MFGE8: variants seen among roughly 807,000 people sequenced by gnomAD.
MFGE8 encodes milk fat globule EGF and factor V/VIII domain containing.
A neutral mutation model predicts 42.6 loss-of-function variants in MFGE8; 34 were observed. The observed-to-expected ratio is 0.80, with a 90% CI of 0.61 to 1.06. The LOEUF (loss-of-function observed/expected upper bound fraction) is 1.06. Among genes scored for constraint, MFGE8 ranks in the 50% least tolerant of loss-of-function variants. MFGE8 has a pLI of 0.00. For synonymous variants in MFGE8, 230 were observed against 214.8 expected, an observed-to-expected ratio of 1.07 and a Z score of -0.62; for missense variants, 510 against 516.9, an observed-to-expected ratio of 0.99 and a Z score of 0.13.
In MFGE8 at chr15:88,905,177, T is replaced by G. The variant is rs1250930972; in HGVS notation, c.685+580A>C. 2.0e-5 allele frequency among the ~76,000 whole-genome samples: 3 copies of G among 152,186 alleles called. No individual in the cohort carries two copies. The highest frequency in any genetic ancestry group is 2.1e-4 in the South Asian group (1 of 4,832). On this transcript the variant is annotated intron_variant, in intron 5 of 7. Coordinates refer to ENST00000268150, the MANE Select transcript of MFGE8 (RefSeq NM_005928.4). This position sits in a 1 kb window ranked among gnomAD's most constrained non-coding sequence, Gnocchi z 6.6. ...GGTCCAAGAAGCCCCTGTGTTTCTC[T>G]GGAGTGCAGACTCTTAAGAGTTTGG...
rs34449331 is a variant in MFGE8 at position 88,909,812 on chromosome 15, G to A, written c.185C>T (p.Ala62Val). 1.0e-3 allele frequency: 1,662 copies of A among 1,614,186 alleles called. 1 individual carries two copies. Among genetic ancestry groups the A allele is most frequent in the Non-Finnish European group, 1.3e-3 (1,496 of 1,180,016 alleles). ...CTCACTCGTCTCACAGTGGTTGCCC[G>A]CGTAGCCCTTAAGGCACGTGCAGGT... Reference protein sequence around the residue: ...SYTCTCLKGYAGNHCETKCVE... With the variant: ...SYTCTCLKGYVGNHCETKCVE... Residue 62 changes from alanine to valine, a missense_variant, in exon 2 of 8, where the codon GCG (alanine) becomes GTG (valine). By Grantham distance (64) the Ala-to-Val change is moderately conservative (BLOSUM62 0). Transcript: ENST00000268150.
intron 2 of MFGE8, among the ~76,000 whole-genome samples, chr15:88,907,715 C>CCG (rs1555414388): frequency 6.8e-6 from 1 of 147,266 alleles, no homozygotes; most frequent in Non-Finnish European, 1.5e-5. Context: ...GTCCCCCCCG[C>CCG]CAGGCTGTGG....
In MFGE8 at chr15:88,905,182, T is replaced by C. The variant is rs1343214488; in HGVS notation, c.685+575A>G. Among the ~76,000 whole-genome samples the C allele has an allele frequency of 6.6e-6, 1 of 152,120 alleles. No homozygotes were observed. Among genetic ancestry groups the C allele is most frequent in the African/African-American group, 2.4e-5 (1 of 41,396 alleles). ...AAGAAGCCCCTGTGTTTCTCTGGAG[T>C]GCAGACTCTTAAGAGTTTGGCAGGG... On this transcript the variant is annotated intron_variant, in intron 5 of 7. Transcript: ENST00000268150. This position sits in a 1 kb window ranked among gnomAD's most constrained non-coding sequence, Gnocchi z 6.6.
At chr15:88,900,977 A>T (rs1204689774) in intron 6 of MFGE8, among the ~76,000 whole-genome samples, 2 of 142,704 alleles carry the variant, frequency 1.4e-5, no homozygotes, top group African/African-American at 5.0e-5. Context: ...ACACACATTC[A>T]CACACACACA....
At chr15:88,904,620 C>G (rs1898580602) in intron 5 of MFGE8, 1 of 152,214 alleles carries the variant, frequency 6.6e-6, no homozygotes, top group South Asian at 2.1e-4. Context: ...TTCCCAGTAG[C>G]CTACATTTCC....
chr15:88,908,037 A>G (rs4932448), intron 2 of MFGE8, among the ~76,000 whole-genome samples: 22,826 of 151,890 alleles, frequency 0.15, 3,130 homozygotes, highest in African/African-American at 0.35. Context: ...TTCCCTCTTT[A>G]CGCCTTCCAC....
In MFGE8 at chr15:88,913,293, C is replaced by T. The variant is rs1186230111; in HGVS notation, c.27G>A (p.Ala9=). ...GGGCGCAGAGCAGCGCGCCGCACAG[C>T]GCGGCCAGCAGGCGGGGGCGCGGCA... MPRPRLLA[A]LCGALLCAPS... The change falls in exon 1 of 8, where the codon GCG becomes GCA. Residue 9 remains alanine (A), a synonymous_variant. Transcript: ENST00000268150. 1.4e-6 allele frequency: 2 copies of T among 1,476,536 alleles called. No individual in the cohort carries two copies. Among genetic ancestry groups the T allele is most frequent in the South Asian group, 1.3e-5 (1 of 76,640 alleles). The allele number at this position is 1,476,536 out of a possible 1,614,324, so 91.5% of individuals were successfully genotyped here.
rs376546317 is a variant in MFGE8, at chr15:88,899,110, A to C, written c.*285T>G. Reference sequence around the variant, plus strand: ...CAGGGGCAGGGAAACCACACGCCCTACTTTGCCCTTTCCTGTCCATCCCAG... The same window carrying C: ...CAGGGGCAGGGAAACCACACGCCCTCCTTTGCCCTTTCCTGTCCATCCCAG... On this transcript the variant is annotated 3_prime_UTR_variant, in exon 8 of 8. Transcript: ENST00000268150. The surrounding 1 kb of genome is among the most constrained non-coding windows in gnomAD (Gnocchi z 6.8). 67 of 511,690 alleles carry C rather than the reference A, an allele frequency of 1.3e-4. No individual in the cohort carries two copies. Among genetic ancestry groups the C allele is most frequent in the African/African-American group, 1.1e-3 (59 of 51,928 alleles). The allele number at this position is 511,690 out of a possible 1,614,324, so 31.7% of individuals were successfully genotyped here.
chr15:88,899,933 C>G lies in MFGE8; in HGVS notation c.871-122G>C, dbSNP rs989517349. ...AAACTACTTGGGTGAGCCTCAGTTTCTTTGGCTATAAAATGGGCATAAGGC... is the reference window on the plus strand; with the variant it reads ...AAACTACTTGGGTGAGCCTCAGTTTGTTTGGCTATAAAATGGGCATAAGGC... On this transcript the variant is annotated intron_variant, in intron 6 of 7. Coordinates refer to ENST00000268150, the MANE Select transcript of MFGE8 (RefSeq NM_005928.4). This position sits in a 1 kb window ranked among gnomAD's most constrained non-coding sequence, Gnocchi z 6.8. The G allele has an allele frequency of 2.3e-5, 28 of 1,198,478 alleles. No homozygotes were observed. The highest frequency in any genetic ancestry group is 3.3e-5 in the Non-Finnish European group (27 of 827,802). 74.2% of individuals were successfully genotyped at this position (1,198,478 alleles called of 1,614,324 possible).
intron 2 of MFGE8, among the ~76,000 whole-genome samples, chr15:88,908,711 T>C (rs2141718400): frequency 6.6e-6 from 1 of 152,318 alleles, no homozygotes; most frequent in East Asian, 1.9e-4. Flanking sequence ...CCCAGGGCTC[T>C]GATTGCCTTA....
chr15:88,910,904 AT>A (rs1176230723), intron 1 of MFGE8: 1 of 152,148 alleles, frequency 6.6e-6, no homozygotes, highest in South Asian at 2.1e-4. Flanking sequence ...GGGAGAAAAA[AT>A]AAAAATAAAA....
rs1315633122 is a variant in MFGE8, at chr15:88,913,265, T to C, written c.55A>G (p.Ser19Gly). The C allele has an allele frequency of 2.7e-6, 4 of 1,504,892 alleles. No homozygotes were observed. Among genetic ancestry groups the C allele is most frequent in the African/African-American group, 2.9e-5 (2 of 69,370 alleles). 93.2% of individuals were successfully genotyped at this position (1,504,892 alleles called of 1,614,324 possible). Residue 19 changes from serine to glycine, a missense_variant, in exon 1 of 8, where the codon AGC becomes GGC. Physicochemically the swap from Ser to Gly is moderately conservative, Grantham distance 56. Transcript: ENST00000268150. ...CACTCACCCAGGGCGACGAGGAGGC[T>C]GGGGGCGCAGAGCAGCGCGCCGCAC... The part of the protein sequence containing the change: ...ALCGALLCAP[S>G]LLVALDICSK...
chr15:88,905,998 G>A lies in MFGE8; in HGVS notation c.541-97C>T. 1.4e-6 allele frequency: 2 copies of A among 1,462,130 alleles called. No individual in the cohort carries two copies. The highest frequency in any genetic ancestry group is 1.9e-6 in the Non-Finnish European group (2 of 1,046,732). 90.6% of individuals were successfully genotyped at this position (1,462,130 alleles called of 1,614,324 possible). A position where few individuals can be genotyped will look rare whatever the true frequency, so the allele number is the denominator to read the frequency against. ...TTCCTCTTCAGACCTGGGAGGCAGAGGTGGGGCTGGGAGGGTGAAGAGGAC... is the reference window on the plus strand; with the variant it reads ...TTCCTCTTCAGACCTGGGAGGCAGAAGTGGGGCTGGGAGGGTGAAGAGGAC... On this transcript the variant is annotated intron_variant, in intron 4 of 7. Coordinates refer to ENST00000268150, the MANE Select transcript of MFGE8 (RefSeq NM_005928.4). The surrounding 1 kb of genome is among the most constrained non-coding windows in gnomAD (Gnocchi z 6.6).
intron 1 of MFGE8, among the ~76,000 whole-genome samples, chr15:88,911,921 C>T (rs1039109870): frequency 6.6e-6 from 1 of 152,056 alleles, no homozygotes; most frequent in Non-Finnish European, 1.5e-5. Flanking sequence ...TCCCAAGGAG[C>T]TATTAGTCAT....
Position 88,907,275 on chromosome 15 carries a change from G to A in MFGE8, c.307C>T (p.Pro103Ser). The change falls in exon 3 of 8, where the codon CCG becomes TCG. Residue 103 changes from proline (P) to serine (S), a missense_variant. Coordinates refer to ENST00000268150, the MANE Select transcript of MFGE8 (RefSeq NM_005928.4). ...GCGCGGTTCAGGCGGGCCAGCTCCG[G>A]GACCCAATGCTGCAAACCCAAGAAG... Reference protein sequence around the residue: ...VTFLGLQHWVPELARLNRAGM... With the variant: ...VTFLGLQHWVSELARLNRAGM... 1.9e-6 allele frequency: 3 copies of A among 1,614,164 alleles called. No individual in the cohort carries two copies. Among genetic ancestry groups the A allele is most frequent in the South Asian group, 1.1e-5 (1 of 91,082 alleles).
At chr15:88,909,739 G>A (rs1898866713) in intron 2 of MFGE8, 53 bp downstream of exon 2, 4 of 1,611,764 alleles carry the variant, frequency 2.5e-6, no homozygotes, top group South Asian at 2.2e-5. Flanking sequence ...CACCAGGGCT[G>A]TGGCTCAGGG....
Position 88,905,341 on chromosome 15 carries a change from A to G in MFGE8, c.685+416T>C. ...TCATTCATTCGCTCATTCATCAAAT[A>G]TTTATTGAGTACCTATAAACCAGAC... On this transcript the variant is annotated intron_variant, in intron 5 of 7. Transcript: ENST00000268150. The surrounding 1 kb of genome is among the most constrained non-coding windows in gnomAD (Gnocchi z 6.6). The G allele has an allele frequency of 2.7e-6, 1 of 373,948 alleles. No individual in the cohort carries two copies. The highest frequency in any genetic ancestry group is 5.2e-6 in the Non-Finnish European group (1 of 191,332). 23.2% of individuals were successfully genotyped at this position (373,948 alleles called of 1,614,324 possible).
chr15:88,901,870 T>C, intron 5 of MFGE8, 135 bp from the exon 6 acceptor site: 1 of 868,672 alleles, frequency 1.2e-6, no homozygotes, highest in Non-Finnish European at 1.9e-6. Context: ...AGAAAGCAGC[T>C]CCATCCGCCT....
At chr15:88,901,508 T>TACCCCC in intron 6 of MFGE8, 43 bp downstream of exon 6, 1 of 924,210 alleles carries the variant, frequency 1.1e-6, no homozygotes, top group Non-Finnish European at 1.7e-6. Flanking sequence ...TCCCACCTCA[T>TACCCCC]CCCACCCAAC....
Sources: gnomAD v4.1 joint callset for allele counts (sites outside exome capture counted in the v4.1 genomes callset) on GRCh38, gnomAD v4.1.1 for gene constraint, Gnocchi (gnomAD v3.1) non-coding constraint, MANE v1.5 for transcripts, NCBI Gene and HGNC (gene_info 2026-07-23, HGNC 2026-07-21) for gene names.